Variants in CSRNP3 observed in about 807,000 individuals in gnomAD.
The protein encoded by CSRNP3 is cysteine and serine rich nuclear protein 3, also known as cysteine/serine-rich nuclear protein 3.
CSRNP3 carries 12 observed loss-of-function variants against 48.0 expected under a neutral mutation model. The ratio of observed to expected loss-of-function variants is 0.25; its 90% CI spans 0.16 to 0.41. The LOEUF (loss-of-function observed/expected upper bound fraction) is 0.41, where lower values mean the gene tolerates loss of function less well. Ranked by LOEUF, CSRNP3 falls within the 10% of genes least tolerant of loss-of-function variation. The probability of loss-of-function intolerance (pLI) is 1.00; values close to 1 mark genes in which losing one functional copy is unlikely to be tolerated. For missense variants in CSRNP3, 580 were observed against 724.4 expected, an observed-to-expected ratio of 0.80 and a Z score of 2.29; for synonymous variants, 263 against 269.7, an observed-to-expected ratio of 0.98 and a Z score of 0.24.
intron 3 of CSRNP3, among the ~76,000 whole-genome samples, chr2:165,534,573 T>TAAAAAATTGA (rs2105246694): frequency 1.3e-5 from 2 of 151,972 alleles, no homozygotes; most frequent in East Asian, 3.9e-4. Flanking sequence ...TGGTTGTGAG[T>TAAAAAATTGA]AAAAAATTGA....
At chr2:165,486,739 C>CTGTT (rs1684126333) in intron 1 of CSRNP3, among the ~76,000 whole-genome samples, 1 of 79,476 alleles carries the variant, frequency 1.3e-5, no homozygotes, top group African/African-American at 5.2e-5. Flanking sequence ...AGGGTCCTGT[C>CTGTT]TGTTAGAAGG....
intron 2 of CSRNP3, among the ~76,000 whole-genome samples, chr2:165,503,483 A>T (rs1351987196): frequency 6.6e-6 from 1 of 151,848 alleles, no homozygotes; most frequent in Non-Finnish European, 1.5e-5. Flanking sequence ...CTCAGATGAG[A>T]GTTCTCAATT....
chr2:165,658,390 A>G (rs1687042490), intron 5 of CSRNP3, among the ~76,000 whole-genome samples: 1 of 152,180 alleles, frequency 6.6e-6, no homozygotes, highest in Non-Finnish European at 1.5e-5. Flanking sequence ...GCACAACTTC[A>G]TTGAGTGCAA....
In CSRNP3 at chr2:165,645,341, AT is replaced by A. The variant is rs202049281; in HGVS notation, c.149-12419del. Among the ~76,000 whole-genome samples the A allele has an allele frequency of 8.7e-3, 1,324 of 152,178 alleles. 17 individuals carry two copies. The highest frequency in any genetic ancestry group is 0.031 in the African/African-American group (1,270 of 41,498). On this transcript the variant is annotated intron_variant, in intron 4 of 6. Coordinates refer to ENST00000651982, the MANE Select transcript of CSRNP3 (RefSeq NM_001172173.2). ...AGAGTGAGACTCTGGTCTCAAAAAA[AT>A]AAAAATAAATAAATAAATAAAAAGG... is the stretch of plus-strand genomic sequence containing the variant.
In CSRNP3 at chr2:165,676,302, G is replaced by A; in HGVS notation, c.409-10G>A. 6.2e-7 allele frequency: 1 copy of A among 1,609,458 alleles called. No homozygotes were observed. Among genetic ancestry groups the A allele is most frequent in the South Asian group, 1.1e-5 (1 of 90,782 alleles). ...TAATGAGTCTCTTATTTGCTGCTTT[G>A]TGTTTTTAGATGACTAAGAATGGCA... On this transcript the variant is annotated splice_polypyrimidine_tract_variant and intron_variant, in intron 5 of 6. Transcript: ENST00000651982.
chr2:165,525,085 C>G (rs1684715310), intron 3 of CSRNP3, among the ~76,000 whole-genome samples: 1 of 152,196 alleles, frequency 6.6e-6, no homozygotes, highest in South Asian at 2.1e-4. Context: ...TTCACTGACA[C>G]TTGGTATTAT....
intron 5 of CSRNP3, among the ~76,000 whole-genome samples, chr2:165,665,969 AGGGG>A (rs1687181335): frequency 9.0e-6 from 1 of 111,706 alleles, no homozygotes; most frequent in African/African-American, 3.4e-5. Flanking sequence ...GGAAAGAGAG[AGGGG>A]AAGAAAGAAA....
chr2:165,625,788 C>G (rs1225533688), intron 4 of CSRNP3, among the ~76,000 whole-genome samples: 1 of 150,254 alleles, frequency 6.7e-6, no homozygotes, highest in African/African-American at 2.5e-5. Flanking sequence ...CAAAAATTAG[C>G]CTGGTGCAGA....
chr2:165,483,866 G>A (rs1014731833), intron 1 of CSRNP3, among the ~76,000 whole-genome samples: 1 of 151,998 alleles, frequency 6.6e-6, no homozygotes. Context: ...CCACCTTGGG[G>A]GTTAGAATTT....
At chr2:165,510,095 A>G (rs2105226115) in intron 2 of CSRNP3, among the ~76,000 whole-genome samples, 1 of 152,298 alleles carries the variant, frequency 6.6e-6, no homozygotes, top group East Asian at 1.9e-4. Flanking sequence ...ATAATGTATC[A>G]CTGGTAATAT....
chr2:165,576,070 T>G (rs1685446138), intron 3 of CSRNP3, among the ~76,000 whole-genome samples: 1 of 150,404 alleles, frequency 6.6e-6, no homozygotes, highest in Non-Finnish European at 1.5e-5. Flanking sequence ...TATATAATTG[T>G]TTTTTATATA....
chr2:165,613,462 A>G (rs967711315), intron 4 of CSRNP3, among the ~76,000 whole-genome samples: 1 of 151,524 alleles, frequency 6.6e-6, no homozygotes, highest in Non-Finnish European at 1.5e-5. Flanking sequence ...TTACCCATGA[A>G]CTCTTTCCTT....
chr2:165,605,839 A>G (rs1686001315), intron 4 of CSRNP3, among the ~76,000 whole-genome samples: 1 of 152,178 alleles, frequency 6.6e-6, no homozygotes, highest in Non-Finnish European at 1.5e-5. Flanking sequence ...GGTGAGGAGT[A>G]TGCTTAGCCT....
intron 4 of CSRNP3, among the ~76,000 whole-genome samples, chr2:165,629,295 G>A (rs1259237932): frequency 3.9e-5 from 6 of 152,084 alleles, no homozygotes; most frequent in East Asian, 3.9e-4. Flanking sequence ...CAGGTTCTGC[G>A]TACAGATAGA....
chr2:165,572,016 T>C (rs1685380089), intron 3 of CSRNP3, among the ~76,000 whole-genome samples: 1 of 152,172 alleles, frequency 6.6e-6, no homozygotes, highest in South Asian at 2.1e-4. Context: ...TAATAACATT[T>C]GTACAAAAGT....
chr2:165,619,923 G>T (rs2105317361), intron 4 of CSRNP3, among the ~76,000 whole-genome samples: 1 of 152,212 alleles, frequency 6.6e-6, no homozygotes, highest in South Asian at 2.1e-4. Flanking sequence ...CTTAGTAAGA[G>T]CAAGACTTGG....
intron 3 of CSRNP3, among the ~76,000 whole-genome samples, chr2:165,582,279 G>T (rs1685560655): frequency 6.6e-6 from 1 of 152,190 alleles, no homozygotes; most frequent in Non-Finnish European, 1.5e-5. Context: ...GCCCATAGTA[G>T]GTGCTCACTA....
At chr2:165,593,916 A>C (rs1685767113) in intron 3 of CSRNP3, among the ~76,000 whole-genome samples, 1 of 152,172 alleles carries the variant, frequency 6.6e-6, no homozygotes, top group South Asian at 2.1e-4. Context: ...ACAAGTGAAA[A>C]TTTTCATACC....
intron 3 of CSRNP3, among the ~76,000 whole-genome samples, chr2:165,533,742 C>T (rs959975805): frequency 6.6e-6 from 1 of 151,838 alleles, no homozygotes; most frequent in Admixed American, 6.6e-5. Context: ...CAATATAAAC[C>T]TTAGCAGCAT....
Sources: gnomAD v4.1 joint callset for allele counts (sites outside exome capture counted in the v4.1 genomes callset) on GRCh38, gnomAD v4.1.1 for gene constraint, MANE v1.5 for transcripts, NCBI Gene and HGNC (gene_info 2026-07-23, HGNC 2026-07-21) for gene names.